RASA3: variants seen among roughly 807,000 people sequenced by gnomAD.
The protein encoded by RASA3 is ras GTPase-activating protein 3.
In RASA3, 73 loss-of-function variants were observed where a neutral mutation model predicts 110.0. The ratio of observed to expected loss-of-function variants is 0.66; its 90% confidence interval spans 0.55 to 0.81. RASA3 has a LOEUF of 0.81. RASA3 is among the 30% of genes least tolerant of loss of function. The pLI is 0.00. For missense variants in RASA3, 976 were observed against 1,113.2 expected, an observed-to-expected ratio of 0.88 and a Z score of 1.75; for synonymous variants, 500 against 451.4, an observed-to-expected ratio of 1.11 and a Z score of -1.37.
intron 21 of RASA3, among the ~76,000 whole-genome samples, chr13:113,993,769 C>G (rs953834324): frequency 1.2e-4 from 17 of 140,328 alleles, no homozygotes; most frequent in Middle Eastern, 7.8e-3. Context: ...AATCACACCA[C>G]TGCACTTCAG....
chr13:114,080,407 G>A (rs1048482850), intron 1 of RASA3, among the ~76,000 whole-genome samples: 5 of 152,306 alleles, frequency 3.3e-5, no homozygotes, highest in Admixed American at 6.5e-5. Context: ...CAGCACTGCC[G>A]TCCAGGGGGT....
intron 1 of RASA3, among the ~76,000 whole-genome samples, chr13:114,128,611 G>A (rs2080479831): frequency 6.6e-6 from 1 of 152,262 alleles, no homozygotes; most frequent in Non-Finnish European, 1.5e-5. Flanking sequence ...GGGGCTGGAG[G>A]CCGGCAGCCC....
intron 20 of RASA3, among the ~76,000 whole-genome samples, chr13:113,997,609 G>A (rs943996453): frequency 3.3e-5 from 5 of 152,010 alleles, no homozygotes; most frequent in African/African-American, 4.8e-5. Context: ...AGGGACGGGG[G>A]TGCTGGGGCA....
chr13:114,121,920 G>A (rs2080383297), intron 1 of RASA3, among the ~76,000 whole-genome samples: 1 of 152,232 alleles, frequency 6.6e-6, no homozygotes, highest in African/African-American at 2.4e-5. Flanking sequence ...TGGGCCGAGT[G>A]CAGGAGCCTG....
intron 1 of RASA3, among the ~76,000 whole-genome samples, chr13:114,091,486 T>C (rs1168123693): frequency 1.3e-5 from 2 of 151,258 alleles, no homozygotes; most frequent in Non-Finnish European, 2.9e-5. Context: ...GTTTTTGTTC[T>C]GGGTTATATC....
At chr13:114,055,461 C>T (rs2079228168) in intron 2 of RASA3, among the ~76,000 whole-genome samples, 2 of 152,242 alleles carry the variant, frequency 1.3e-5, no homozygotes. Context: ...GGACAGCGTC[C>T]CCACTGGCAG....
At chr13:114,117,249 C>T (rs71437272) in intron 1 of RASA3, among the ~76,000 whole-genome samples, 2,271 of 59,222 alleles carry the variant, frequency 0.038, 289 homozygotes, top group East Asian at 0.11. Context: ...GAGGGGTGCA[C>T]GTGTGTGAGG....
rs1195168593 is a variant in RASA3, at chr13:114,011,131, A to G, written c.1590+40T>C. ...TATTTTCTGAAGAGAGAAAAGAATC[A>G]GTTGTCCCTAAAAAGAGAAAATGAA... is the stretch of plus-strand genomic sequence containing the variant. On this transcript the variant is annotated intron_variant, in intron 16 of 23. Coordinates refer to ENST00000334062, the MANE Select transcript of RASA3 (RefSeq NM_007368.4). This position sits in a 1 kb window ranked among gnomAD's most constrained non-coding sequence, Gnocchi z 4.8. 8 of 1,512,378 alleles carry G rather than the reference A, an allele frequency of 5.3e-6. No homozygotes were observed. Among genetic ancestry groups the G allele is most frequent in the South Asian group, 1.1e-5 (1 of 87,072 alleles). 93.7% of individuals were successfully genotyped at this position (1,512,378 alleles called of 1,614,324 possible).
At chr13:113,999,757 CCCAGGGGGTCTT>C (rs2053341451) in intron 19 of RASA3, 90 bp from the exon 20 acceptor site, 6 of 818,112 alleles carry the variant, frequency 7.3e-6, no homozygotes, top group South Asian at 3.1e-5. Flanking sequence ...CGGGGGGTCT[CCCAGGGGGTCTT>C]TACCGGGGGG....
chr13:114,042,251 T>G (rs113443399), intron 3 of RASA3, among the ~76,000 whole-genome samples: 1 of 148,298 alleles, frequency 6.7e-6, no homozygotes, highest in African/African-American at 2.4e-5. Context: ...CGTCCCTTCA[T>G]GGCACCACCA....
chr13:114,100,508 T>G (rs2080043479), intron 1 of RASA3, among the ~76,000 whole-genome samples: 1 of 152,234 alleles, frequency 6.6e-6, no homozygotes, highest in African/African-American at 2.4e-5. Context: ...GACCCCCGTC[T>G]GGGCCCAGTC....
intron 11 of RASA3, among the ~76,000 whole-genome samples, chr13:114,017,602 T>A (rs1340297932): frequency 2.6e-5 from 4 of 152,246 alleles, no homozygotes; most frequent in Non-Finnish European, 5.9e-5. Context: ...AGGAGGAGCC[T>A]GGCTGGCCTT....
At position 113,996,685 on chromosome 13, in the gene RASA3, C is replaced by T. The variant is rs778265586; in HGVS notation, c.1987G>A (p.Val663Met). 17 of 1,613,722 alleles carry T rather than the reference C, an allele frequency of 1.1e-5. No individual in the cohort carries two copies. The highest frequency in any genetic ancestry group is 1.0e-4 in the Admixed American group (6 of 60,010). ...RALYIQANNCVEAKDWIDILT... is the reference protein window; with the variant it reads ...RALYIQANNCMEAKDWIDILT... ...ATGTCGATCCAGTCCTTGGCCTCCA[C>T]GCAGTTGTTGGCCTGGATGTACAGC... is the stretch of plus-strand genomic sequence containing the variant. Residue 663 changes from valine to methionine, a missense_variant, in exon 21 of 24, where the codon GTG (valine) becomes ATG (methionine). Physicochemically the swap from Val to Met is conservative, Grantham distance 21 (BLOSUM62 1). Around this residue, in one of 4 missense-constraint regions of RASA3, gnomAD observed 109 missense variants for 162.5 expected, o/e 0.67. Transcript: ENST00000334062.
intron 2 of RASA3, among the ~76,000 whole-genome samples, chr13:114,053,568 C>T (rs76976518): frequency 0.03 from 4,547 of 152,304 alleles, 92 homozygotes; most frequent in Middle Eastern, 0.071. Context: ...GGCCAGGGGG[C>T]GTCCACACAG....
chr13:114,115,109 C>G lies in RASA3; in HGVS notation c.55+17326G>C, dbSNP rs2080260473. On this transcript the variant is annotated intron_variant, in intron 1 of 23. Coordinates refer to ENST00000334062, the MANE Select transcript of RASA3 (RefSeq NM_007368.4). The surrounding 1 kb of genome is among the most constrained non-coding windows in gnomAD (Gnocchi z 5.0). ...GTCCCGGCAGGAGAAGGCTTCTCCA[C>G]AGAGAGGCCGCTGAACAAGGCACAG... 6.6e-6 allele frequency among the ~76,000 whole-genome samples: 1 copy of G among 152,224 alleles called. No homozygotes were observed. The highest frequency in any genetic ancestry group is 1.5e-5 in the Non-Finnish European group (1 of 68,042).
At chr13:114,025,713 G>C (rs1395810010) in intron 7 of RASA3, among the ~76,000 whole-genome samples, 1 of 152,260 alleles carries the variant, frequency 6.6e-6, no homozygotes, top group Admixed American at 6.5e-5. Context: ...CTCATTTAGA[G>C]AGTTAAAGGG....
In RASA3 at chr13:114,039,839, C is replaced by T. The variant is rs934904282; in HGVS notation, c.372+1161G>A. Among the ~76,000 whole-genome samples the T allele has an allele frequency of 2.6e-5, 4 of 152,354 alleles. No individual in the cohort carries two copies. In the East Asian group the frequency reaches 7.7e-4, roughly 29 times the overall value. ...GTGGGGAGGTGGGACAAGCTCCCCC[C>T]ACTGGACAGGACCGGGGTGAGCCCC... On this transcript the variant is annotated intron_variant, in intron 4 of 23. Coordinates refer to ENST00000334062, the MANE Select transcript of RASA3 (RefSeq NM_007368.4).
chr13:114,030,502 G>GGCAAGACTCACGCAGAGA (rs2054139043), intron 4 of RASA3, among the ~76,000 whole-genome samples: 1 of 99,020 alleles, frequency 1.0e-5, no homozygotes, highest in African/African-American at 4.2e-5. Context: ...TCACACAGAG[G>GGCAAGACTCACGCAGAGA]GCAAGACTCA....
At chr13:114,123,525 G>A (rs960719391) in intron 1 of RASA3, among the ~76,000 whole-genome samples, 32 of 152,208 alleles carry the variant, frequency 2.1e-4, no homozygotes, top group African/African-American at 6.5e-4. Context: ...TGGGTCTATC[G>A]CGCCCAGTTC....
Sources: gnomAD v4.1 joint callset for allele counts (sites outside exome capture counted in the v4.1 genomes callset) on GRCh38, gnomAD v4.1.1 for gene constraint, gnomAD v4.1.1 regional missense constraint, Gnocchi (gnomAD v3.1) non-coding constraint, MANE v1.5 for transcripts, NCBI Gene and HGNC (gene_info 2026-07-23, HGNC 2026-07-21) for gene names.